ACACA: variants seen among roughly 807,000 people sequenced by gnomAD.
The protein encoded by ACACA is acetyl-CoA carboxylase alpha.
ACACA carries 103 observed loss-of-function variants against 296.1 expected under a neutral mutation model. The ratio of observed to expected loss-of-function variants is 0.35; its 90% CI spans 0.30 to 0.41. The LOEUF is 0.41. Ranked by LOEUF, ACACA falls within the 10% of genes least tolerant of loss-of-function variation. The pLI is 1.00. For synonymous variants in ACACA, 953 were observed against 1,038.6 expected, an observed-to-expected ratio of 0.92 and a Z score of 1.58; for missense variants, 1,554 against 2,989.7, an observed-to-expected ratio of 0.52 and a Z score of 11.20.
intron 2 of ACACA, among the ~76,000 whole-genome samples, chr17:37,337,131 G>T (rs563092703): frequency 6.6e-6 from 1 of 152,230 alleles, no homozygotes; most frequent in South Asian, 2.1e-4. Context: ...AAGCCCTAAA[G>T]GTTGAGAATC....
intron 1 of ACACA, among the ~76,000 whole-genome samples, chr17:37,381,041 C>T (rs1043761340): frequency 1.3e-5 from 2 of 152,012 alleles, no homozygotes; most frequent in Non-Finnish European, 2.9e-5. Context: ...CTATTATCAA[C>T]TTATTATATT....
intron 21 of ACACA, 74 bp downstream of exon 21, chr17:37,244,511 CATT>C: frequency 6.4e-7 from 1 of 1,557,652 alleles, no homozygotes; most frequent in Non-Finnish European, 8.8e-7. Flanking sequence ...CTTAAACAAT[CATT>C]ATGAGACTTG....
In ACACA at chr17:37,214,843, C is replaced by T. The variant is rs374342749; in HGVS notation, c.3684-4353G>A. On this transcript the variant is annotated intron_variant, in intron 29 of 55. Transcript: ENST00000616317. ...GCTCATTCTGGCTTGCTAACTACAA[C>T]AAGTGCTCCCACTGCAGAAACAATG... 9.2e-5 allele frequency among the ~76,000 whole-genome samples: 14 copies of T among 152,320 alleles called. 1 individual carries two copies. In the South Asian group the frequency reaches 2.9e-3, roughly 32 times the overall value.
intron 1 of ACACA, among the ~76,000 whole-genome samples, chr17:37,378,772 C>T (rs143661255): frequency 3.9e-5 from 6 of 152,128 alleles, no homozygotes; most frequent in Non-Finnish European, 7.4e-5. Context: ...CAAGAGCAAA[C>T]GCTTCAAGGT....
intron 24 of ACACA, among the ~76,000 whole-genome samples, chr17:37,236,814 G>T (rs1485450103): frequency 6.6e-6 from 1 of 152,016 alleles, no homozygotes; most frequent in Non-Finnish European, 1.5e-5. Flanking sequence ...GTCAGAGTGA[G>T]ACTTCATCTC....
At chr17:37,346,619 G>A (rs551655020) in intron 1 of ACACA, among the ~76,000 whole-genome samples, 58 of 148,774 alleles carry the variant, frequency 3.9e-4, no homozygotes, top group African/African-American at 1.2e-3. Context: ...GGAGAATGGC[G>A]TGAACCTGAA....
intron 3 of ACACA, among the ~76,000 whole-genome samples, chr17:37,323,076 A>C (rs1370566741): frequency 6.6e-6 from 1 of 152,280 alleles, no homozygotes; most frequent in Non-Finnish European, 1.5e-5. Context: ...AAGCTGAAAG[A>C]GCACACTGTA....
chr17:37,378,917 C>T (rs751255116), intron 1 of ACACA, among the ~76,000 whole-genome samples: 4 of 151,894 alleles, frequency 2.6e-5, no homozygotes, highest in Non-Finnish European at 5.9e-5. Flanking sequence ...AAAAATTAGC[C>T]GAGCAAAGTG....
At chr17:37,267,317 G>A (rs1224109298) in intron 10 of ACACA, among the ~76,000 whole-genome samples, 4 of 152,180 alleles carry the variant, frequency 2.6e-5, no homozygotes, top group African/African-American at 9.7e-5. Context: ...ATGTGGTGCT[G>A]CTGACTGTCC....
intron 2 of ACACA, among the ~76,000 whole-genome samples, chr17:37,338,214 G>A (rs1262263018): frequency 4.9e-5 from 7 of 143,860 alleles, no homozygotes; most frequent in African/African-American, 7.8e-5. Flanking sequence ...GTGACAGAGC[G>A]AGACTCCGTC....
At chr17:37,332,215 T>G (rs1368959358) in intron 2 of ACACA, among the ~76,000 whole-genome samples, 6 of 146,012 alleles carry the variant, frequency 4.1e-5, no homozygotes, top group African/African-American at 1.5e-4. Flanking sequence ...CTTAAAAGTA[T>G]AATTTAAAAA....
chr17:37,338,283 C>T (rs1181556990), intron 2 of ACACA, among the ~76,000 whole-genome samples: 1 of 145,812 alleles, frequency 6.9e-6, no homozygotes, highest in African/African-American at 2.5e-5. Context: ...TCTAAATTTA[C>T]TATACATTTC....
rs1027751994 is a variant in ACACA at position 37,402,679 on chromosome 17, CTT to C, written c.38+3581_38+3582del. Among the ~76,000 whole-genome samples the C allele has an allele frequency of 2.7e-4, 40 of 147,456 alleles. No homozygotes were observed. The South Asian group carries it at 8.6e-3, about 32-fold the overall frequency. Reference sequence around the variant, plus strand: ...TACATTTTGCCTAAGTGACTTCATTCTTTTTTTTTTTGAGACAGAGTCTCGCT... The same window carrying C: ...TACATTTTGCCTAAGTGACTTCATTCTTTTTTTTTGAGACAGAGTCTCGCT... On this transcript the variant is annotated intron_variant, in intron 1 of 55. Transcript: ENST00000616317.
At position 37,248,653 on chromosome 17, in the gene ACACA, A is replaced by G. The variant is rs772203130; in HGVS notation, c.2103T>C (p.His701=). Residue 701 remains histidine, a synonymous_variant, in exon 17 of 56, where the codon CAT becomes CAC. Transcript: ENST00000616317. The part of the protein sequence containing the change: ...SLERGQVLPA[H]TLLNTVDVEL... ...CAACATCTACTGTATTCAGAAGTGT[A>G]TGAGCAGGAAGGACTTGACCCCTGA... 6.2e-7 allele frequency: 1 copy of G among 1,610,938 alleles called. No homozygotes were observed. The highest frequency in any genetic ancestry group is 8.5e-7 in the Non-Finnish European group (1 of 1,177,700).
intron 25 of ACACA, among the ~76,000 whole-genome samples, chr17:37,227,374 A>T (rs1232620211): frequency 1.3e-5 from 2 of 152,130 alleles, no homozygotes; most frequent in African/African-American, 2.4e-5. Context: ...CACACCATAT[A>T]AAATATATCC....
rs761385722 is a variant in ACACA, at chr17:37,275,927, T to A, written c.901+24A>T. On this transcript the variant is annotated intron_variant, in intron 8 of 55. Coordinates refer to ENST00000616317, the MANE Select transcript of ACACA (RefSeq NM_198834.3). ...TACTGAGCTATTCTGTACTTCAAGA[T>A]ACAAACAAGAATTCAGTTCTTACCA... 10 of 1,592,682 alleles carry A rather than the reference T, an allele frequency of 6.3e-6. No homozygotes were observed. In the East Asian group the frequency reaches 1.8e-4, roughly 28 times the overall value.
intron 1 of ACACA, chr17:37,387,771 T>C (rs552376329): frequency 6.6e-6 from 1 of 152,158 alleles, no homozygotes; most frequent in African/African-American, 2.4e-5. Flanking sequence ...TTAGCAACAG[T>C]CCTCCTTAAA....
intron 3 of ACACA, among the ~76,000 whole-genome samples, chr17:37,290,477 A>T (rs556057790): frequency 4.6e-5 from 7 of 152,300 alleles, no homozygotes; most frequent in African/African-American, 1.7e-4. Context: ...TGGCATATTA[A>T]TCCTCGCAAT....
At chr17:37,274,083 C>T (rs773694777) in intron 9 of ACACA, 110 bp downstream of exon 9, 6 of 886,888 alleles carry the variant, frequency 6.8e-6, no homozygotes, top group Non-Finnish European at 9.6e-6. Context: ...CCTGGTCTTA[C>T]ATCCCTAACA....
Sources: gnomAD v4.1 joint callset for allele counts (sites outside exome capture counted in the v4.1 genomes callset) on GRCh38, gnomAD v4.1.1 for gene constraint, MANE v1.5 for transcripts, NCBI Gene and HGNC (gene_info 2026-07-23, HGNC 2026-07-21) for gene names.